Variants in RIPOR2 observed in about 807,000 individuals in gnomAD.
RIPOR2 encodes RHO family interacting cell polarization regulator 2.
Under a neutral mutation model 114.5 loss-of-function variants are expected in RIPOR2, and 39 were observed. The observed-to-expected ratio is 0.34, with a 90% CI of 0.26 to 0.44. The LOEUF (loss-of-function observed/expected upper bound fraction) is 0.44. Ranked by LOEUF, RIPOR2 falls within the 20% of genes least tolerant of loss-of-function variation. The pLI, the probability that RIPOR2 is intolerant of heterozygous loss-of-function variation, is 1.00. For missense variants in RIPOR2, 1,007 were observed against 1,255.1 expected, an observed-to-expected ratio of 0.80 and a Z score of 2.99; for synonymous variants, 445 against 484.4, an observed-to-expected ratio of 0.92 and a Z score of 1.07.
chr6:24,907,289 A>G (rs1279657714), intron 1 of RIPOR2, among the ~76,000 whole-genome samples: 2 of 152,226 alleles, frequency 1.3e-5, no homozygotes, highest in Admixed American at 1.3e-4. Context: ...TTGTGAAAAC[A>G]TTCATCTCCT....
chr6:24,935,461 T>A (rs1771735230), intron 1 of RIPOR2, among the ~76,000 whole-genome samples: 1 of 152,084 alleles, frequency 6.6e-6, no homozygotes, highest in Admixed American at 6.5e-5. Context: ...GTCCATTTAT[T>A]TAACTTCTTC....
intron 1 of RIPOR2, chr6:24,976,457 C>T (rs17672946): frequency 5.8e-4 from 914 of 1,568,792 alleles, no homozygotes; most frequent in Non-Finnish European, 7.5e-4. Context: ...TTGCCGTCGA[C>T]GGTGAGCCCT....
At position 24,804,332 on chromosome 6, in the gene RIPOR2, A is replaced by T. The variant is rs1169217756; in HGVS notation, c.*2041T>A. 6.6e-6 allele frequency: 1 copy of T among 152,072 alleles called. No individual in the cohort carries two copies. The highest frequency in any genetic ancestry group is 1.5e-5 in the Non-Finnish European group (1 of 68,030). 9.4% of individuals were successfully genotyped at this position (152,072 alleles called of 1,614,324 possible). A position where few individuals can be genotyped will look rare whatever the true frequency, so the allele number is the denominator to read the frequency against. ...TTATTTTAACTTACATGACTGAAAGATCAATGAATACAAATGCCACACAAC... is the reference window on the plus strand; with the variant it reads ...TTATTTTAACTTACATGACTGAAAGTTCAATGAATACAAATGCCACACAAC... On this transcript the variant is annotated 3_prime_UTR_variant, in exon 22 of 22. Coordinates refer to ENST00000643898, the MANE Select transcript of RIPOR2 (RefSeq NM_001286445.3).
In RIPOR2 at chr6:24,852,017, C is replaced by T. The variant is rs896257545; in HGVS notation, c.759+558G>A. On this transcript the variant is annotated intron_variant, in intron 9 of 21. Coordinates refer to ENST00000643898, the MANE Select transcript of RIPOR2 (RefSeq NM_001286445.3). ...CTGTAATCCCAGCACTTTGGGAGGCCGAAGGGTGGGCGGGGGGGAATCACT... is the reference window on the plus strand; with the variant it reads ...CTGTAATCCCAGCACTTTGGGAGGCTGAAGGGTGGGCGGGGGGGAATCACT... Among the ~76,000 whole-genome samples the T allele has an allele frequency of 2.0e-4, 17 of 86,778 alleles. No individual in the cohort carries two copies. In the South Asian group the frequency reaches 2.7e-3, roughly 14 times the overall value. The allele number at this position is 86,778 out of a possible 152,430, so 56.9% of individuals were successfully genotyped here.
intron 1 of RIPOR2, among the ~76,000 whole-genome samples, chr6:24,887,685 T>C (rs891987336): frequency 1.3e-5 from 2 of 152,228 alleles, no homozygotes; most frequent in East Asian, 3.8e-4. Flanking sequence ...ATTTTAAGGG[T>C]CTGGCTGAGT....
At chr6:24,926,585 A>C (rs1770872793) in intron 1 of RIPOR2, among the ~76,000 whole-genome samples, 1 of 152,144 alleles carries the variant, frequency 6.6e-6, no homozygotes, top group South Asian at 2.1e-4. Context: ...TATTTTCAGG[A>C]AAGTGTTTGA....
At chr6:24,969,757 C>T (rs1773694557) in intron 1 of RIPOR2, among the ~76,000 whole-genome samples, 1 of 152,156 alleles carries the variant, frequency 6.6e-6, no homozygotes, top group Admixed American at 6.5e-5. Flanking sequence ...ACTGCCCTGC[C>T]CCTTACTGTA....
chr6:24,895,020 G>A (rs573399798), intron 1 of RIPOR2, among the ~76,000 whole-genome samples: 161 of 152,138 alleles, frequency 1.1e-3, no homozygotes, highest in African/African-American at 3.8e-3. Flanking sequence ...TCTCAAACCA[G>A]GCCGTATCTT....
At chr6:24,837,400 G>A (rs1254501232) in intron 14 of RIPOR2, among the ~76,000 whole-genome samples, 1 of 151,130 alleles carries the variant, frequency 6.6e-6, no homozygotes, top group Non-Finnish European at 1.5e-5. Flanking sequence ...GATTACAGGA[G>A]TGAGCCACCA....
At chr6:24,871,051 G>T (rs991888942) in intron 4 of RIPOR2, among the ~76,000 whole-genome samples, 162 bp from the exon 5 acceptor site, 1 of 152,058 alleles carries the variant, frequency 6.6e-6, no homozygotes, top group Non-Finnish European at 1.5e-5. Context: ...AAAAACTTGG[G>T]TTATTTTGCT....
chr6:24,891,445 CAA>C (rs1455199149), intron 1 of RIPOR2, among the ~76,000 whole-genome samples: 1 of 151,760 alleles, frequency 6.6e-6, no homozygotes, highest in Non-Finnish European at 1.5e-5. Flanking sequence ...TATTGTATAT[CAA>C]GAGTGTTTAA....
intron 1 of RIPOR2, among the ~76,000 whole-genome samples, chr6:24,999,827 A>C (rs945102515): frequency 6.6e-6 from 1 of 152,096 alleles, no homozygotes; most frequent in Non-Finnish European, 1.5e-5. Context: ...AAGTGCTGGG[A>C]TTACAGGCAT....
intron 1 of RIPOR2, among the ~76,000 whole-genome samples, chr6:24,923,391 T>A (rs959748169): frequency 6.6e-6 from 1 of 152,242 alleles, no homozygotes; most frequent in Non-Finnish European, 1.5e-5. Context: ...TACCCAGAAG[T>A]GGAATTGTTG....
At chr6:24,951,927 C>T (rs1316006509) in intron 1 of RIPOR2, among the ~76,000 whole-genome samples, 1 of 152,220 alleles carries the variant, frequency 6.6e-6, no homozygotes, top group African/African-American at 2.4e-5. Flanking sequence ...TTACCTTCCG[C>T]TGGATCCACA....
chr6:24,946,338 G>A (rs1772407451), intron 1 of RIPOR2, among the ~76,000 whole-genome samples: 1 of 152,132 alleles, frequency 6.6e-6, no homozygotes, highest in African/African-American at 2.4e-5. Context: ...GCCTCTCAAA[G>A]TGCTGGGATT....
At chr6:24,847,476 T>C in intron 12 of RIPOR2, 1 of 1,485,402 alleles carries the variant, frequency 6.7e-7, no homozygotes, top group Non-Finnish European at 9.2e-7. Context: ...ACAAGAGACA[T>C]GCTAAGTCAC....
intron 15 of RIPOR2, among the ~76,000 whole-genome samples, chr6:24,834,211 G>T (rs1760916908): frequency 1.3e-5 from 2 of 152,158 alleles, no homozygotes; most frequent in African/African-American, 2.4e-5. Context: ...CAAGTGGCAG[G>T]AGTTATAATT....
At chr6:24,940,808 G>A (rs1772088579), upstream of RIPOR2, among the ~76,000 whole-genome samples, 1 of 152,062 alleles carries the variant, frequency 6.6e-6, no homozygotes, top group Non-Finnish European at 1.5e-5. Context: ...GCGCCACCAT[G>A]CCCAGCTAAT....
At chr6:24,911,041 C>A (rs994438298) in intron 1 of RIPOR2, 19 of 940,470 alleles carry the variant, frequency 2.0e-5, no homozygotes, top group Middle Eastern at 5.5e-4. Context: ...AGCTGCGGCG[C>A]GCGGGGTGAA....
Sources: allele counts gnomAD v4.1 joint callset (sites outside exome capture counted in the v4.1 genomes callset), GRCh38; gene constraint gnomAD v4.1.1; transcripts MANE v1.5; gene names NCBI Gene and HGNC (gene_info 2026-07-23, HGNC 2026-07-21).